The following CTNNA2 variants were observed in gnomAD, a reference collection of about 807,000 sequenced individuals.
The protein encoded by CTNNA2 is catenin alpha-2.
In CTNNA2, 42 loss-of-function variants were observed where a neutral mutation model predicts 101.0. The ratio of observed to expected loss-of-function variants is 0.42; its 90% CI spans 0.32 to 0.54. The LOEUF is 0.54. Ranked by LOEUF, CTNNA2 falls within the 20% of genes least tolerant of loss-of-function variation. The pLI is 0.14. For missense variants in CTNNA2, 871 were observed against 1,223.1 expected (o/e 0.71, Z 4.29); for synonymous variants, 450 against 456.4 (o/e 0.99, Z 0.18).
intron 7 of CTNNA2, among the ~76,000 whole-genome samples, chr2:79,935,219 C>G (rs1055679388): frequency 3.9e-5 from 6 of 152,144 alleles, no homozygotes; most frequent in Non-Finnish European, 8.8e-5. Flanking sequence ...GGGAAGAACA[C>G]TATTGTCTTT....
At chr2:79,731,179 A>C (rs887691990) in intron 2 of CTNNA2, among the ~76,000 whole-genome samples, 1 of 151,986 alleles carries the variant, frequency 6.6e-6, no homozygotes, top group East Asian at 1.9e-4. Context: ...TTTACCCGCT[A>C]TACTTAGTAG....
intron 7 of CTNNA2, among the ~76,000 whole-genome samples, chr2:80,216,016 G>A (rs1197781377): frequency 1.3e-5 from 2 of 152,214 alleles, no homozygotes; most frequent in Non-Finnish European, 2.9e-5. Context: ...TCAGACTGCT[G>A]TGCTAGCAGT....
At chr2:80,430,635 C>T (rs550673332) in intron 9 of CTNNA2, among the ~76,000 whole-genome samples, 21 of 152,226 alleles carry the variant, frequency 1.4e-4, no homozygotes, top group African/African-American at 4.3e-4. Flanking sequence ...GTATACTCTC[C>T]AAAGTTGAGG....
chr2:79,257,803 T>TAAA (rs375111398), intron 2 of CTNNA2, among the ~76,000 whole-genome samples: 1 of 146,798 alleles, frequency 6.8e-6, no homozygotes, highest in Admixed American at 6.8e-5. Flanking sequence ...CTGGTTGGCT[T>TAAA]AAAAAAAAAA....
At chr2:80,568,315 G>A (rs3770322) in intron 12 of CTNNA2, among the ~76,000 whole-genome samples, 4,262 of 152,250 alleles carry the variant, frequency 0.028, 149 homozygotes, top group East Asian at 0.11. Flanking sequence ...CACTTTGTCC[G>A]TGAAATACTG....
At chr2:80,122,695 A>G (rs1381587737) in intron 7 of CTNNA2, among the ~76,000 whole-genome samples, 1 of 152,104 alleles carries the variant, frequency 6.6e-6, no homozygotes, top group Non-Finnish European at 1.5e-5. Flanking sequence ...ATTATAGATA[A>G]TTATGTAGTT....
chr2:79,326,531 G>A (rs556607142), intron 3 of CTNNA2, among the ~76,000 whole-genome samples: 1 of 151,976 alleles, frequency 6.6e-6, no homozygotes, highest in Non-Finnish European at 1.5e-5. Context: ...TATTTCAGGA[G>A]CCCCTTAAAT....
intron 14 of CTNNA2, among the ~76,000 whole-genome samples, chr2:80,582,325 A>G (rs1695609843): frequency 6.6e-6 from 1 of 152,176 alleles, no homozygotes; most frequent in African/African-American, 2.4e-5. Context: ...GTTCAAGGCC[A>G]TTAGATAGAG....
chr2:79,353,525 C>G (rs867196623), intron 3 of CTNNA2, among the ~76,000 whole-genome samples: 1 of 152,122 alleles, frequency 6.6e-6, no homozygotes. Flanking sequence ...CATATAAGAT[C>G]TTTCTCTGTT....
intron 7 of CTNNA2, among the ~76,000 whole-genome samples, chr2:80,144,397 C>T (rs1002720098): frequency 8.6e-5 from 13 of 152,034 alleles, no homozygotes; most frequent in South Asian, 2.1e-4. Context: ...GATCTGAACC[C>T]GTAATATGAA....
chr2:79,487,052 A>T (rs931452292), intron 4 of CTNNA2, among the ~76,000 whole-genome samples: 11 of 152,216 alleles, frequency 7.2e-5, no homozygotes, highest in South Asian at 2.1e-4. Context: ...TAATAAATTT[A>T]AAAAACTACT....
intron 1 of CTNNA2, among the ~76,000 whole-genome samples, chr2:79,583,044 T>C (rs978919851): frequency 3.3e-5 from 5 of 152,080 alleles, no homozygotes; most frequent in Non-Finnish European, 7.4e-5. Context: ...GAATTCACCA[T>C]GTTATTGTAT....
At chr2:79,383,371 G>A (rs1186599266) in intron 4 of CTNNA2, among the ~76,000 whole-genome samples, 2 of 152,176 alleles carry the variant, frequency 1.3e-5, no homozygotes, top group Admixed American at 1.3e-4. Flanking sequence ...GTATGGAATG[G>A]ACCTTGAAGG....
At chr2:79,465,679 C>T (rs895268274) in intron 4 of CTNNA2, among the ~76,000 whole-genome samples, 5 of 152,086 alleles carry the variant, frequency 3.3e-5, no homozygotes, top group African/African-American at 1.2e-4. Flanking sequence ...TTGTAGCTCT[C>T]CTTGAAGAGG....
At chr2:79,570,956 G>C (rs773588575) in intron 1 of CTNNA2, among the ~76,000 whole-genome samples, 1 of 152,132 alleles carries the variant, frequency 6.6e-6, no homozygotes, top group Non-Finnish European at 1.5e-5. Flanking sequence ...TGATGTGCCT[G>C]CTATTGAGTT....
intron 7 of CTNNA2, among the ~76,000 whole-genome samples, chr2:79,936,248 A>T (rs75366130): frequency 7.0e-6 from 1 of 143,732 alleles, no homozygotes; most frequent in African/African-American, 2.6e-5. Context: ...TCATGCTGGG[A>T]TTTTTTTTTT....
intron 2 of CTNNA2, among the ~76,000 whole-genome samples, chr2:79,682,722 G>T (rs1012385731): frequency 6.6e-6 from 1 of 152,066 alleles, no homozygotes; most frequent in Non-Finnish European, 1.5e-5. Flanking sequence ...TATCACGTTT[G>T]TGCTTTGGTA....
chr2:79,573,605 CAT>C (rs1675601998), intron 1 of CTNNA2, among the ~76,000 whole-genome samples: 1 of 152,218 alleles, frequency 6.6e-6, no homozygotes, highest in Non-Finnish European at 1.5e-5. Context: ...ATAAATTAAA[CAT>C]AGAACCACGA....
intron 7 of CTNNA2, among the ~76,000 whole-genome samples, chr2:80,157,954 C>T (rs1704083346): frequency 6.6e-6 from 1 of 152,166 alleles, no homozygotes; most frequent in Admixed American, 6.6e-5. Context: ...CATGGAAATT[C>T]AAGCTCTTTT....
Sources: gnomAD v4.1 joint callset for allele counts (sites outside exome capture counted in the v4.1 genomes callset) on GRCh38, gnomAD v4.1.1 for gene constraint, MANE v1.5 for transcripts, NCBI Gene and HGNC (gene_info 2026-07-23, HGNC 2026-07-21) for gene names.